The following IQCM variants were observed in gnomAD, a reference collection of about 807,000 sequenced individuals.
IQCM encodes IQ motif containing M.
Under a neutral mutation model 57.6 loss-of-function variants are expected in IQCM, and 45 were observed. That is an observed-to-expected ratio of 0.78 (90% CI 0.62 to 1.00). IQCM has a LOEUF of 1.00. Ranked by LOEUF, IQCM falls within the 50% of genes least tolerant of loss-of-function variation. The pLI is 0.00. For missense variants in IQCM, 468 were observed against 511.6 expected, an observed-to-expected ratio of 0.91 and a Z score of 0.82; for synonymous variants, 148 against 158.9, an observed-to-expected ratio of 0.93 and a Z score of 0.51.
intron 9 of IQCM, among the ~76,000 whole-genome samples, chr4:149,576,025 A>C (rs935606466): frequency 6.6e-6 from 1 of 151,870 alleles, no homozygotes; most frequent in Non-Finnish European, 1.5e-5. Flanking sequence ...TCTGGCATAG[A>C]TAAACATTCT....
Position 149,433,555 on chromosome 4 carries a change from C to T in IQCM, c.1231G>A (p.Gly411Ser). ...DDTWDLVHQD[G>S]KEKYSELIKK... ...ATTAGTTCAGAATATTTTTCTTTGC[C>T]ATCTATAAAGAAAAGATAAAATATA... The change falls in exon 13 of 14, where the codon GGC becomes AGC. Residue 411 changes from glycine to serine, a missense_variant and splice_region_variant. Physicochemically the swap from Gly to Ser is moderately conservative, Grantham distance 56 (BLOSUM62 0). Transcript: ENST00000636793. 2 of 1,102,900 alleles carry T rather than the reference C, an allele frequency of 1.8e-6. No individual in the cohort carries two copies. The highest frequency in any genetic ancestry group is 9.3e-5 in the South Asian group (2 of 21,518). 68.3% of individuals were successfully genotyped at this position (1,102,900 alleles called of 1,614,324 possible).
intron 7 of IQCM, among the ~76,000 whole-genome samples, chr4:149,677,252 C>G (rs922963311): frequency 3.6e-4 from 54 of 152,088 alleles, no homozygotes; most frequent in African/African-American, 1.2e-3. Context: ...AGTAGGGATG[C>G]AGGACTACTA....
chr4:149,571,861 G>C (rs1751194371), intron 9 of IQCM, among the ~76,000 whole-genome samples: 1 of 152,038 alleles, frequency 6.6e-6, no homozygotes, highest in African/African-American at 2.4e-5. Flanking sequence ...TTGATCACAA[G>C]ATAGGGATGA....
intron 12 of IQCM, among the ~76,000 whole-genome samples, chr4:149,544,037 A>T (rs956560209): frequency 1.3e-5 from 2 of 152,104 alleles, no homozygotes; most frequent in African/African-American, 4.8e-5. Context: ...CAAACATACA[A>T]TGAAGCATCC....
At chr4:149,738,268 G>C (rs1002189703) in intron 3 of IQCM, among the ~76,000 whole-genome samples, 1 of 152,184 alleles carries the variant, frequency 6.6e-6, no homozygotes, top group African/African-American at 2.4e-5. Flanking sequence ...CTGAAACTTG[G>C]CTGGTCACAC....
intron 7 of IQCM, among the ~76,000 whole-genome samples, chr4:149,671,888 T>G (rs1761320664): frequency 6.6e-6 from 1 of 152,092 alleles, no homozygotes; most frequent in African/African-American, 2.4e-5. Flanking sequence ...GAGGAGTGCT[T>G]TACTTCCAAC....
At chr4:149,732,694 AT>A (rs1766571936) in intron 5 of IQCM, among the ~76,000 whole-genome samples, 1 of 152,206 alleles carries the variant, frequency 6.6e-6, no homozygotes, top group Admixed American at 6.6e-5. Flanking sequence ...TATACTAGAA[AT>A]GTATTATAAG....
At chr4:149,572,095 C>A (rs933380853) in intron 9 of IQCM, among the ~76,000 whole-genome samples, 2 of 151,868 alleles carry the variant, frequency 1.3e-5, no homozygotes, top group Admixed American at 6.6e-5. Flanking sequence ...TATATGATGA[C>A]CCTGGATGGG....
chr4:149,528,075 T>A (rs1453246696), intron 12 of IQCM, among the ~76,000 whole-genome samples: 1 of 151,372 alleles, frequency 6.6e-6, no homozygotes, highest in Non-Finnish European at 1.5e-5. Context: ...AACCTCCACC[T>A]CCTGCGTTCA....
intron 13 of IQCM, among the ~76,000 whole-genome samples, chr4:149,404,373 T>C (rs74342504): frequency 0.019 from 2,831 of 152,182 alleles, 87 homozygotes; most frequent in South Asian, 0.15. Context: ...CTTCTATTTC[T>C]AAACTCTGCT....
intron 12 of IQCM, among the ~76,000 whole-genome samples, chr4:149,481,716 T>G (rs7435065): frequency 2.8e-4 from 39 of 138,616 alleles, no homozygotes; most frequent in South Asian, 4.6e-4. Context: ...TTTTTTTTTT[T>G]TTTTTTGCTT....
At chr4:149,598,876 T>C (rs888132444) in intron 8 of IQCM, among the ~76,000 whole-genome samples, 2 of 152,164 alleles carry the variant, frequency 1.3e-5, no homozygotes, top group Non-Finnish European at 2.9e-5. Flanking sequence ...TTAGGGATTA[T>C]AGGAGTTGGT....
intron 12 of IQCM, among the ~76,000 whole-genome samples, chr4:149,476,827 C>A (rs1227468637): frequency 6.6e-6 from 1 of 152,040 alleles, no homozygotes; most frequent in Non-Finnish European, 1.5e-5. Flanking sequence ...AGAAAAAAAA[C>A]CTTCTCCATC....
intron 8 of IQCM, among the ~76,000 whole-genome samples, chr4:149,615,536 TTGCAGAAGTGA>T (rs1755714283): frequency 1.3e-5 from 2 of 152,182 alleles, no homozygotes; most frequent in Non-Finnish European, 2.9e-5. Flanking sequence ...AAACATGTGG[TTGCAGAAGTGA>T]AACGTTTAAA....
At chr4:149,488,074 T>C (rs531573645) in intron 12 of IQCM, among the ~76,000 whole-genome samples, 1 of 152,130 alleles carries the variant, frequency 6.6e-6, no homozygotes, top group Non-Finnish European at 1.5e-5. Context: ...GATATTTAGA[T>C]AGGTATAAAA....
chr4:149,397,146 A>T (rs1343242206), intron 13 of IQCM, among the ~76,000 whole-genome samples: 1 of 151,726 alleles, frequency 6.6e-6, no homozygotes, highest in African/African-American at 2.4e-5. Context: ...GTCTATACCA[A>T]TTGGCATTTC....
chr4:149,474,176 C>A (rs188699161), intron 12 of IQCM, among the ~76,000 whole-genome samples: 2 of 150,488 alleles, frequency 1.3e-5, no homozygotes, highest in African/African-American at 2.4e-5. Context: ...AAAGCAGTAA[C>A]TATGAAAAGT....
chr4:149,812,183 G>A (rs1463841946), intron 2 of IQCM, among the ~76,000 whole-genome samples: 1 of 152,148 alleles, frequency 6.6e-6, no homozygotes, highest in East Asian at 1.9e-4. Flanking sequence ...TGGGTGAACT[G>A]AGAAATACAA....
intron 13 of IQCM, among the ~76,000 whole-genome samples, chr4:149,408,470 G>T (rs1239201391): frequency 6.6e-6 from 1 of 152,106 alleles, no homozygotes; most frequent in Non-Finnish European, 1.5e-5. Flanking sequence ...ACCTCTGAAT[G>T]CCTTTTGTTC....
Sources: allele counts gnomAD v4.1 joint callset (sites outside exome capture counted in the v4.1 genomes callset), GRCh38; gene constraint gnomAD v4.1.1; transcripts MANE v1.5; gene names NCBI Gene and HGNC (gene_info 2026-07-23, HGNC 2026-07-21).